Variants in SYN3 observed in about 807,000 individuals in gnomAD.
SYN3 encodes synapsin III, also known as synapsin-3.
SYN3 carries 35 observed loss-of-function variants against 65.8 expected under a neutral mutation model. The observed-to-expected ratio is 0.53, with a 90% confidence interval of 0.41 to 0.70. The LOEUF is 0.70. Ranked by LOEUF, SYN3 falls within the 30% of genes least tolerant of loss-of-function variation. SYN3 has a pLI of 0.00. For synonymous variants in SYN3, 270 were observed against 292.9 expected (o/e 0.92, Z 0.80); for missense variants, 680 against 749.0 (o/e 0.91, Z 1.08).
Position 32,977,561 on chromosome 22 carries a change from T to C in SYN3, c.369+3084A>G, listed in dbSNP as rs996102326. ...GAGATCGAGACCATCCTGGACAACA[T>C]GGTGAAACCCCATCTCTACTAAAAA... On this transcript the variant is annotated intron_variant, in intron 3 of 13. Coordinates refer to ENST00000358763, the MANE Select transcript of SYN3 (RefSeq NM_003490.4). Among the ~76,000 whole-genome samples the C allele has an allele frequency of 4.6e-5, 7 of 152,020 alleles. No homozygotes were observed. In the East Asian group the frequency reaches 1.4e-3, roughly 29 times the overall value.
chr22:32,622,535 G>C (rs1261350367), intron 6 of SYN3, among the ~76,000 whole-genome samples: 1 of 152,058 alleles, frequency 6.6e-6, no homozygotes, highest in Non-Finnish European at 1.5e-5. Flanking sequence ...CTGAGGGGCA[G>C]CTGAGGGGGA....
Position 33,047,597 on chromosome 22 carries a change from C to T in SYN3, c.-163+10695G>A, listed in dbSNP as rs561697876. On this transcript the variant is annotated intron_variant, in intron 1 of 13. Transcript: ENST00000358763. ...AGGAGGTGCCAGGCTATAAGGACAG[C>T]ATTCTTAGAGTAATGTCATGTGGGG... is the stretch of plus-strand genomic sequence containing the variant. Among the ~76,000 whole-genome samples, 82 of 152,074 alleles carry T rather than the reference C, an allele frequency of 5.4e-4. 1 individual carries two copies. In the Middle Eastern group the frequency reaches 0.014, roughly 25 times the overall value.
At chr22:32,956,411 T>G (rs2051466697) in intron 3 of SYN3, among the ~76,000 whole-genome samples, 1 of 152,082 alleles carries the variant, frequency 6.6e-6, no homozygotes, top group South Asian at 2.1e-4. Flanking sequence ...TGCCTCAGCC[T>G]CCCAAAGTGC....
intron 6 of SYN3, among the ~76,000 whole-genome samples, chr22:32,828,101 A>G (rs538197356): frequency 2.3e-4 from 35 of 152,352 alleles, no homozygotes; most frequent in Middle Eastern, 3.4e-3. Context: ...GGTCTTGTTC[A>G]CCATCTAGAA....
intron 6 of SYN3, among the ~76,000 whole-genome samples, chr22:32,779,828 G>C (rs1375764095): frequency 6.6e-6 from 1 of 152,056 alleles, no homozygotes; most frequent in Non-Finnish European, 1.5e-5. Flanking sequence ...TACCATCAAG[G>C]GTCCAGGTTG....
intron 12 of SYN3, among the ~76,000 whole-genome samples, chr22:32,520,522 A>C (rs1364923797): frequency 2.6e-5 from 4 of 152,180 alleles, no homozygotes; most frequent in African/African-American, 9.7e-5. Context: ...CGAGATTCAA[A>C]CCTAGATCTC....
intron 6 of SYN3, among the ~76,000 whole-genome samples, chr22:32,841,204 A>G (rs242071): frequency 0.51 from 77,056 of 152,148 alleles, 19,722 homozygotes; most frequent in Admixed American, 0.61. Flanking sequence ...GGCTACAGCA[A>G]TAGGTAAAGC....
At chr22:32,807,386 T>TTA (rs1306965767) in intron 6 of SYN3, among the ~76,000 whole-genome samples, 8 of 104,300 alleles carry the variant, frequency 7.7e-5, no homozygotes, top group Admixed American at 2.4e-4. Flanking sequence ...ATAATATATA[T>TTA]TATATATAAT....
chr22:32,874,439 A>C (rs1200205008), intron 4 of SYN3, among the ~76,000 whole-genome samples: 1 of 152,252 alleles, frequency 6.6e-6, no homozygotes, highest in African/African-American at 2.4e-5. Flanking sequence ...AAGATGGGAC[A>C]GGTGACGTGT....
intron 6 of SYN3, among the ~76,000 whole-genome samples, chr22:32,735,203 T>C (rs2061323473): frequency 6.6e-6 from 1 of 152,104 alleles, no homozygotes. Context: ...TCAGATGGAG[T>C]GGGATCAAGC....
chr22:32,939,457 C>T (rs1414231765), intron 3 of SYN3, among the ~76,000 whole-genome samples: 1 of 152,158 alleles, frequency 6.6e-6, no homozygotes, highest in East Asian at 1.9e-4. Context: ...TGTAATCAAT[C>T]CTCAGATCAA....
In SYN3 at chr22:32,837,341, C is replaced by T. The variant is rs565168533; in HGVS notation, c.711+27574G>A. Among the ~76,000 whole-genome samples, 1 of 152,132 alleles carries T rather than the reference C, an allele frequency of 6.6e-6. No homozygotes were observed. The highest frequency in any genetic ancestry group is 2.4e-5 in the African/African-American group (1 of 41,426). Reference sequence around the variant, plus strand: ...GGGGATAGGGGGTGGTCTCAGCCCCCCTCACCGAGTGCACTTGCATGGCAG... The same window carrying T: ...GGGGATAGGGGGTGGTCTCAGCCCCTCTCACCGAGTGCACTTGCATGGCAG... On this transcript the variant is annotated intron_variant, in intron 6 of 13. Coordinates refer to ENST00000358763, the MANE Select transcript of SYN3 (RefSeq NM_003490.4). This position sits in a 1 kb window ranked among gnomAD's most constrained non-coding sequence, Gnocchi z 4.1.
intron 7 of SYN3, among the ~76,000 whole-genome samples, chr22:32,578,544 C>A (rs2058889264): frequency 6.6e-6 from 1 of 152,208 alleles, no homozygotes; most frequent in Non-Finnish European, 1.5e-5. Context: ...GCCACTGACC[C>A]TAGTCAAGCC....
chr22:33,018,824 C>T (rs2053515023), intron 1 of SYN3, among the ~76,000 whole-genome samples: 1 of 152,188 alleles, frequency 6.6e-6, no homozygotes, highest in South Asian at 2.1e-4. Context: ...CCCTGTGACC[C>T]ATCCACTCAC....
At chr22:32,697,291 C>T (rs1038917977) in intron 6 of SYN3, among the ~76,000 whole-genome samples, 3 of 152,220 alleles carry the variant, frequency 2.0e-5, no homozygotes, top group Non-Finnish European at 4.4e-5. Context: ...AGCATGATCA[C>T]TGGAATCCAA....
At chr22:32,935,613 G>T (rs1426750950) in intron 3 of SYN3, among the ~76,000 whole-genome samples, 7 of 152,024 alleles carry the variant, frequency 4.6e-5, no homozygotes, top group Admixed American at 2.6e-4. Flanking sequence ...ACCGCGCCCG[G>T]CTAATTTTTG....
intron 4 of SYN3, among the ~76,000 whole-genome samples, chr22:32,915,217 C>A (rs2050156928): frequency 1.3e-5 from 2 of 152,156 alleles, no homozygotes; most frequent in South Asian, 4.2e-4. Context: ...CACATGTATA[C>A]CTATGTAACA....
chr22:32,987,531 C>T (rs1188761939), intron 2 of SYN3, among the ~76,000 whole-genome samples: 4 of 152,184 alleles, frequency 2.6e-5, no homozygotes, highest in African/African-American at 9.7e-5. Flanking sequence ...CCTCTCAGTC[C>T]TCCATGCAAT....
chr22:33,011,090 G>A, intron 1 of SYN3, among the ~76,000 whole-genome samples: 1 of 151,972 alleles, frequency 6.6e-6, no homozygotes, highest in Non-Finnish European at 1.5e-5. Context: ...TTATCTGACT[G>A]TCCTAGCTAG....
Sources: gnomAD v4.1 joint callset for allele counts (sites outside exome capture counted in the v4.1 genomes callset) on GRCh38, gnomAD v4.1.1 for gene constraint, Gnocchi (gnomAD v3.1) non-coding constraint, MANE v1.5 for transcripts, NCBI Gene and HGNC (gene_info 2026-07-23, HGNC 2026-07-21) for gene names.